The following PCDH15 variants were observed in gnomAD, a reference collection of about 807,000 sequenced individuals.
The protein encoded by PCDH15 is protocadherin related 15.
A neutral mutation model predicts 178.5 loss-of-function variants in PCDH15; 129 were observed. The ratio of observed to expected loss-of-function variants is 0.72; its 90% CI spans 0.63 to 0.84. The LOEUF (loss-of-function observed/expected upper bound fraction) is 0.84. PCDH15 is among the 40% of genes least tolerant of loss of function. PCDH15 has a pLI of 0.00. For missense variants in PCDH15, 2,230 were observed against 2,099.9 expected, an observed-to-expected ratio of 1.06 and a Z score of -1.21; for synonymous variants, 800 against 732.0, an observed-to-expected ratio of 1.09 and a Z score of -1.50.
intron 28 of PCDH15, among the ~76,000 whole-genome samples, chr10:53,843,507 T>C (rs2077787028): frequency 6.6e-6 from 1 of 152,050 alleles, no homozygotes; most frequent in Non-Finnish European, 1.5e-5. Context: ...AAGATGTCCA[T>C]AATGATGTTT....
intron 2 of PCDH15, among the ~76,000 whole-genome samples, chr10:55,355,583 A>T (rs1315978761): frequency 1.3e-5 from 2 of 151,794 alleles, no homozygotes; most frequent in African/African-American, 4.8e-5. Flanking sequence ...AAAAAACTGA[A>T]TTTTTACTTT....
intron 1 of PCDH15, among the ~76,000 whole-genome samples, chr10:54,723,248 C>T (rs1198453029): frequency 5.3e-5 from 8 of 151,360 alleles, no homozygotes; most frequent in Non-Finnish European, 7.4e-5. Context: ...TTAAAGCACA[C>T]ACTTACAATC....
intron 1 of PCDH15, among the ~76,000 whole-genome samples, chr10:55,217,445 T>G (rs150965287): frequency 2.0e-5 from 3 of 152,024 alleles, no homozygotes; most frequent in African/African-American, 7.2e-5. Flanking sequence ...ATGTTTATAT[T>G]TTCTATTTTT....
chr10:53,903,184 CT>C, intron 26 of PCDH15, 58 bp downstream of exon 26: 1 of 1,598,466 alleles, frequency 6.3e-7, no homozygotes. Context: ...AGGCTTACAG[CT>C]TATCTGCAAA....
intron 4 of PCDH15, among the ~76,000 whole-genome samples, chr10:54,369,758 C>A (rs1392870770): frequency 6.6e-6 from 1 of 151,906 alleles, no homozygotes; most frequent in Non-Finnish European, 1.5e-5. Flanking sequence ...AAAAGCCAGC[C>A]AACTAAACTT....
chr10:55,075,590 C>T (rs1426811745), intron 2 of PCDH15, among the ~76,000 whole-genome samples: 1 of 152,010 alleles, frequency 6.6e-6, no homozygotes, highest in African/African-American at 2.4e-5. Context: ...GTCTCTGTCT[C>T]CTGACCTCGT....
At chr10:54,801,386 T>A (rs41274638), upstream of PCDH15, 4,413 of 152,320 alleles carry the variant, frequency 0.029, 104 homozygotes, top group Middle Eastern at 0.081. Context: ...CACTGACTGG[T>A]GAGCGCTTTG....
At chr10:54,242,185 T>TATATATATAC (rs1564770159) in intron 8 of PCDH15, among the ~76,000 whole-genome samples, 1 of 79,446 alleles carries the variant, frequency 1.3e-5, no homozygotes, top group Non-Finnish European at 2.5e-5. Flanking sequence ...TATATATATA[T>TATATATATAC]ATACACACAC....
Position 53,938,800 on chromosome 10 carries a change from A to C in PCDH15, c.3373+15T>G. The C allele has an allele frequency of 6.2e-7, 1 of 1,611,546 alleles. No homozygotes were observed. Among genetic ancestry groups the C allele is most frequent in the Non-Finnish European group, 8.5e-7 (1 of 1,179,308 alleles). On this transcript the variant is annotated intron_variant, in intron 25 of 37. Coordinates refer to ENST00000644397, the MANE Select transcript of PCDH15 (RefSeq NM_001384140.1). ...CCATACAATTCTGGTAAAAGCTTTA[A>C]GTAGTATAACTTACTTTTTGAAGGA...
chr10:54,333,130 T>A (rs779165708), intron 6 of PCDH15, among the ~76,000 whole-genome samples: 2 of 151,980 alleles, frequency 1.3e-5, no homozygotes, highest in African/African-American at 4.8e-5. Context: ...TTACTTTTAG[T>A]AGAGATGGGG....
chr10:54,219,013 G>A (rs911900568), intron 9 of PCDH15, among the ~76,000 whole-genome samples: 5 of 150,436 alleles, frequency 3.3e-5, no homozygotes, highest in African/African-American at 4.9e-5. Flanking sequence ...CAGCACTTTG[G>A]GAGGCCGAGG....
rs552212907 is a variant in PCDH15 at position 54,386,333 on chromosome 10, C to T, written c.158-7391G>A. On this transcript the variant is annotated intron_variant, in intron 3 of 37. Transcript: ENST00000644397. ...GAAAGTTTATAAATTTTTGTTGGGC[C>T]ACATTCAAAGTTGTCCTAGGCTGCA... Among the ~76,000 whole-genome samples, 18 of 151,700 alleles carry T rather than the reference C, an allele frequency of 1.2e-4. No individual in the cohort carries two copies. The South Asian group carries it at 3.7e-3, about 32-fold the overall frequency.
At chr10:54,652,544 C>T (rs1308151208) in intron 2 of PCDH15, among the ~76,000 whole-genome samples, 1 of 152,146 alleles carries the variant, frequency 6.6e-6, no homozygotes, top group Non-Finnish European at 1.5e-5. Flanking sequence ...CCTCTATCCC[C>T]TAGTAACTCA....
At chr10:55,321,363 A>G (rs1843896041), upstream of PCDH15, among the ~76,000 whole-genome samples, 2 of 152,178 alleles carry the variant, frequency 1.3e-5, no homozygotes, top group African/African-American at 2.4e-5. Flanking sequence ...GACCAAGTCT[A>G]TGACTCATTA....
At chr10:53,896,566 G>T (rs1339707723) in intron 26 of PCDH15, among the ~76,000 whole-genome samples, 1 of 152,132 alleles carries the variant, frequency 6.6e-6, no homozygotes, top group Non-Finnish European at 1.5e-5. Context: ...GTAGGACAGG[G>T]GTCCCCAACC....
intron 3 of PCDH15, among the ~76,000 whole-genome samples, chr10:54,473,888 A>T (rs971663598): frequency 2.0e-5 from 3 of 151,842 alleles, no homozygotes; most frequent in Non-Finnish European, 4.4e-5. Context: ...AGATTTTCTA[A>T]AGTATTATAT....
At chr10:55,364,750 G>C (rs1474011919) in intron 2 of PCDH15, among the ~76,000 whole-genome samples, 1 of 152,020 alleles carries the variant, frequency 6.6e-6, no homozygotes, top group Non-Finnish European at 1.5e-5. Context: ...CTAAAGTTGT[G>C]CTAAATTTCC....
chr10:53,880,576 A>G (rs2080632845), intron 26 of PCDH15, among the ~76,000 whole-genome samples: 1 of 146,668 alleles, frequency 6.8e-6, no homozygotes. Context: ...TTACAAACAG[A>G]AACAAAAAGC....
chr10:54,735,226 T>G (rs1361842839), intron 1 of PCDH15, among the ~76,000 whole-genome samples: 1 of 152,046 alleles, frequency 6.6e-6, no homozygotes, highest in Non-Finnish European at 1.5e-5. Context: ...GGATTTTGCT[T>G]TTGACCAATT....
Sources: gnomAD v4.1 joint callset for allele counts (sites outside exome capture counted in the v4.1 genomes callset) on GRCh38, gnomAD v4.1.1 for gene constraint, MANE v1.5 for transcripts, NCBI Gene and HGNC (gene_info 2026-07-23, HGNC 2026-07-21) for gene names.